The following TMC8 variants were observed in gnomAD, a reference collection of about 807,000 sequenced individuals.
TMC8 encodes the protein transmembrane channel-like protein 8.
A neutral mutation model predicts 76.0 loss-of-function variants in TMC8; 71 were observed. The observed-to-expected ratio is 0.93, with a 90% confidence interval of 0.77 to 1.14. The LOEUF (loss-of-function observed/expected upper bound fraction) is 1.14. Among genes scored for constraint, TMC8 ranks in the 50% most tolerant of loss-of-function variants. TMC8 has a pLI of 0.00. For missense variants in TMC8, 924 were observed against 947.9 expected, an observed-to-expected ratio of 0.97 and a Z score of 0.33; for synonymous variants, 433 against 433.8, an observed-to-expected ratio of 1.00 and a Z score of 0.02.
intron 5 of TMC8, 127 bp downstream of exon 5, chr17:78,132,997 A>G: frequency 1.9e-6 from 2 of 1,075,146 alleles, no homozygotes; most frequent in Non-Finnish European, 2.8e-6. Context: ...GGATGGTCTT[A>G]CCTAGACAGA....
rs758674020 is a variant in TMC8, at chr17:78,140,823, TCTC to T, written c.1903-7_1903-5del. On this transcript the variant is annotated splice_polypyrimidine_tract_variant and splice_region_variant and intron_variant, in intron 15 of 15. Transcript: ENST00000318430. The stretch of plus-strand genomic sequence containing the variant: ...GCGCCTGTCGCAACTCGCCACTTGT[TCTC>T]CTCACAGCAGGTTCAGGAGAAGTGG... 84 of 1,602,736 alleles carry T rather than the reference TCTC, an allele frequency of 5.2e-5. No individual in the cohort carries two copies. In the South Asian group the frequency reaches 7.8e-4, roughly 15 times the overall value.
intron 15 of TMC8, among the ~76,000 whole-genome samples, chr17:78,140,326 C>CAAAAA (rs34749218): frequency 7.6e-6 from 1 of 131,980 alleles, no homozygotes; most frequent in Non-Finnish European, 1.7e-5. Context: ...CCAGTTTCCA[C>CAAAAA]AAAAAAAAAA....
chr17:78,138,689 C>G lies in TMC8; in HGVS notation c.1780C>G (p.Leu594Val). The change falls in exon 14 of 16, where the codon CTG becomes GTG. Residue 594 changes from leucine (L) to valine (V), a missense_variant. Leu to Val is a conservative substitution (Grantham distance 32). Coordinates refer to ENST00000318430, the MANE Select transcript of TMC8 (RefSeq NM_152468.5). ...CATTGGCCAGCGTGCCCTCCACTAC[C>G]TGGGCTCCCACGCCTTCAGCTTCCC... ...PPIGQRALHY[L>V]GSHAFSFPLL... 6.2e-7 allele frequency: 1 copy of G among 1,613,114 alleles called. No individual in the cohort carries two copies. The highest frequency in any genetic ancestry group is 2.2e-5 in the East Asian group (1 of 44,890).
chr17:78,132,934 G>C, intron 5 of TMC8, 64 bp downstream of exon 5: 1 of 1,567,290 alleles, frequency 6.4e-7, no homozygotes, highest in South Asian at 1.1e-5. Context: ...GGCTTCAGGG[G>C]ACACAAGTCT....
At position 78,137,734 on chromosome 17, in the gene TMC8, G is replaced by A. The variant is rs376603334; in HGVS notation, c.1269G>A (p.Val423=). 15 of 1,613,554 alleles carry A rather than the reference G, an allele frequency of 9.3e-6. No individual in the cohort carries two copies. The highest frequency in any genetic ancestry group is 1.2e-5 in the Non-Finnish European group (14 of 1,180,008). The change falls in exon 11 of 16, where the codon GTG becomes GTA. Residue 423 remains valine, a synonymous_variant. Transcript: ENST00000318430. ...CACCCCAGTGCTGGGAGAACTCCGT[G>A]GGGGAGGAGCTGTACAAGCTGAGTA... ...VCDYQCWENS[V]GEELYKLSIF... is the part of the protein sequence containing the mutation.
In TMC8 at chr17:78,131,620, G is replaced by A. The variant is rs1265094561; in HGVS notation, c.32G>A (p.Arg11Gln). The change falls in exon 2 of 16, where the codon CGG (arginine) becomes CAG (glutamine). Residue 11 changes from arginine (R) to glutamine (Q), a missense_variant. Physicochemically the swap from Arg to Gln is conservative, Grantham distance 43. Transcript: ENST00000318430. Reference protein sequence around the residue: MLLPRSVSSERAPGVPEPEEL... With the variant: MLLPRSVSSEQAPGVPEPEEL... ...CTGCCGCGGTCGGTGTCATCGGAGC[G>A]GGCCCCTGGGGTGCCGGAGCCGGAG... 1 of 1,550,838 alleles carries A rather than the reference G, an allele frequency of 6.4e-7. No homozygotes were observed. Among genetic ancestry groups the A allele is most frequent in the Non-Finnish European group, 8.7e-7 (1 of 1,148,602 alleles).
intron 15 of TMC8, among the ~76,000 whole-genome samples, chr17:78,140,421 T>TGG (rs2075343713): frequency 6.7e-6 from 1 of 150,010 alleles, no homozygotes; most frequent in Non-Finnish European, 1.5e-5. Context: ...GGCCTCAGGG[T>TGG]GGGGCCTCTA....
rs533831941 is a variant in TMC8 at position 78,140,944 on chromosome 17, G to T, written c.2013G>T (p.Pro671=). The T allele has an allele frequency of 2.9e-5, 47 of 1,594,278 alleles. No individual in the cohort carries two copies. The highest frequency in any genetic ancestry group is 3.8e-5 in the Non-Finnish European group (44 of 1,171,242). Residue 671 remains proline, a synonymous_variant, in exon 16 of 16, where the codon CCG becomes CCT. Coordinates refer to ENST00000318430, the MANE Select transcript of TMC8 (RefSeq NM_152468.5). The stretch of plus-strand genomic sequence containing the variant: ...ACCCTGCCTCCCAAGCTTCGCGCCC[G>T]CAGTCCTTCTGCCCCGGATGCCCAT... ...PKYPASQASR[P]QSFCPGCPCP...
At chr17:78,132,613 C>G (rs531561319) in intron 4 of TMC8, 105 bp downstream of exon 4, 1 of 1,517,668 alleles carries the variant, frequency 6.6e-7, no homozygotes. Context: ...GTGGTCCTGC[C>G]GTGCAGGCCC....
In TMC8 at chr17:78,138,593, T is replaced by G. The variant is rs2075296175; in HGVS notation, c.1684T>G (p.Cys562Gly). 1 of 1,613,920 alleles carries G rather than the reference T, an allele frequency of 6.2e-7. No individual in the cohort carries two copies. The highest frequency in any genetic ancestry group is 1.3e-5 in the African/African-American group (1 of 75,064). The change falls in exon 14 of 16, where the codon TGC (cysteine) becomes GGC (glycine). Residue 562 changes from cysteine to glycine, a missense_variant. By Grantham distance (159) the Cys-to-Gly change is radical (BLOSUM62 -3). Transcript: ENST00000318430. ...CGCCAGCATCCACTCCTCCTGGGAC[T>G]GCGGCCTCTTCACCAACTACTCAGC... The part of the protein sequence containing the change: ...VVSSIHSSWD[C>G]GLFTNYSAPW...
chr17:78,132,740 C>T, intron 4 of TMC8, 48 bp from the exon 5 acceptor site: 1 of 1,589,438 alleles, frequency 6.3e-7, no homozygotes, highest in Non-Finnish European at 8.6e-7. Context: ...CAGAGCCTCA[C>T]CTATGCCTTG....
rs11651675 is a variant in TMC8, at chr17:78,138,156, G to A, written c.1501G>A (p.Val501Ile). Residue 501 changes from valine (V) to isoleucine (I), a missense_variant, in exon 12 of 16, where the codon GTC (valine) becomes ATC (isoleucine). Val to Ile is a conservative substitution (Grantham distance 29, BLOSUM62 3). Coordinates refer to ENST00000318430, the MANE Select transcript of TMC8 (RefSeq NM_152468.5). ...CCCCCTGCTGCCCCTGCTGAATAGCGTCTTCCTCTTCCTCACCTTCTACAT... is the reference window on the plus strand; with the variant it reads ...CCCCCTGCTGCCCCTGCTGAATAGCATCTTCCTCTTCCTCACCTTCTACAT... ...YCPLLPLLNS[V>I]FLFLTFYIKK... The A allele has an allele frequency of 0.039, 62,444 of 1,613,810 alleles. 1,473 individuals are homozygous for A. Among genetic ancestry groups the A allele is most frequent in the South Asian group, 0.085 (7,735 of 91,066 alleles).
chr17:78,136,785 G>A, intron 9 of TMC8: 1 of 314,078 alleles, frequency 3.2e-6, no homozygotes, highest in Non-Finnish European at 6.2e-6. Flanking sequence ...CCCTTGGCCA[G>A]GCGCCGTGGC....
intron 5 of TMC8, 108 bp downstream of exon 5, chr17:78,132,978 C>T: frequency 6.2e-6 from 8 of 1,289,770 alleles, no homozygotes; most frequent in Middle Eastern, 1.9e-4. Flanking sequence ...GACATTTCGG[C>T]TCCTCAGGGG....
chr17:78,133,780 G>T, intron 6 of TMC8, 73 bp from the exon 7 acceptor site: 2 of 1,607,356 alleles, frequency 1.2e-6, no homozygotes, highest in South Asian at 1.1e-5. Flanking sequence ...CCCAGACCCA[G>T]AGCCGAGCCA....
Position 78,134,800 on chromosome 17 carries a change from A to C in TMC8, c.988-70A>C, listed in dbSNP as rs1306277182. 9 of 1,606,556 alleles carry C rather than the reference A, an allele frequency of 5.6e-6. No individual in the cohort carries two copies. In the East Asian group the frequency reaches 2.0e-4, roughly 36 times the overall value. On this transcript the variant is annotated intron_variant, in intron 8 of 15. Coordinates refer to ENST00000318430, the MANE Select transcript of TMC8 (RefSeq NM_152468.5). ...CTGCCCCAGAGTTACACTTTAGGGCACTGTGGGGGGCGGGGAGCAGACAGG... is the reference window on the plus strand; with the variant it reads ...CTGCCCCAGAGTTACACTTTAGGGCCCTGTGGGGGGCGGGGAGCAGACAGG...
chr17:78,137,884 C>T, intron 11 of TMC8, 70 bp downstream of exon 11: 2 of 1,598,232 alleles, frequency 1.3e-6, no homozygotes, highest in Non-Finnish European at 1.7e-6. Flanking sequence ...CCAGTGGCTA[C>T]AGCCAAGGGT....
chr17:78,137,480 T>C (rs891743251), intron 10 of TMC8, 122 bp downstream of exon 10: 2 of 1,542,912 alleles, frequency 1.3e-6, no homozygotes, highest in Non-Finnish European at 1.8e-6. Context: ...TGAGCAGGGC[T>C]GCCTGCACCG....
At position 78,132,976 on chromosome 17, in the gene TMC8, G is replaced by C. The variant is rs114426406; in HGVS notation, c.531+106G>C. On this transcript the variant is annotated intron_variant, in intron 5 of 15. Coordinates refer to ENST00000318430, the MANE Select transcript of TMC8 (RefSeq NM_152468.5). The stretch of plus-strand genomic sequence containing the variant: ...ACCTCTGCTCCTCCAGGGACATTTC[G>C]GCTCCTCAGGGGATGGTCTTACCTA... 4.7e-6 allele frequency: 6 copies of C among 1,289,894 alleles called. No individual in the cohort carries two copies. The South Asian group carries it at 6.0e-5, about 13-fold the overall frequency. The allele number at this position is 1,289,894 out of a possible 1,614,324, so 79.9% of individuals were successfully genotyped here.
Sources: gnomAD v4.1 joint callset for allele counts (sites outside exome capture counted in the v4.1 genomes callset) on GRCh38, gnomAD v4.1.1 for gene constraint, MANE v1.5 for transcripts, NCBI Gene and HGNC (gene_info 2026-07-23, HGNC 2026-07-21) for gene names.